SUSD4: variants seen among roughly 807,000 people sequenced by gnomAD.
SUSD4 encodes the protein sushi domain-containing protein 4.
A neutral mutation model predicts 50.5 loss-of-function variants in SUSD4; 41 were observed. The ratio of observed to expected loss-of-function variants is 0.81; its 90% CI spans 0.63 to 1.05. SUSD4 has a LOEUF of 1.05. Ranked by LOEUF, SUSD4 falls within the 50% of genes least tolerant of loss-of-function variation. The pLI is 0.00. For synonymous variants in SUSD4, 257 were observed against 257.3 expected (o/e 1.00, Z 0.01); for missense variants, 580 against 634.7 (o/e 0.91, Z 0.93).
chr1:223,357,143 G>T (rs1668712318), intron 2 of SUSD4, among the ~76,000 whole-genome samples: 1 of 152,164 alleles, frequency 6.6e-6, no homozygotes, highest in Non-Finnish European at 1.5e-5. Context: ...AGGCACAAAA[G>T]GACTGGCACA....
intron 5 of SUSD4, among the ~76,000 whole-genome samples, chr1:223,249,318 A>G (rs1325827209): frequency 6.6e-6 from 1 of 152,192 alleles, no homozygotes; most frequent in Non-Finnish European, 1.5e-5. Flanking sequence ...AGAGTGGATC[A>G]TTTCTGACCC....
intron 4 of SUSD4, among the ~76,000 whole-genome samples, chr1:223,267,359 C>A (rs1662563740): frequency 6.6e-6 from 1 of 152,062 alleles, no homozygotes; most frequent in Non-Finnish European, 1.5e-5. Context: ...GGCTGCAGTC[C>A]GGGGTTGTTT....
At chr1:223,234,401 G>C (rs1660080302) in intron 5 of SUSD4, among the ~76,000 whole-genome samples, 1 of 152,116 alleles carries the variant, frequency 6.6e-6, no homozygotes, top group Non-Finnish European at 1.5e-5. Flanking sequence ...TGGAGTTCCT[G>C]GGCACTTTGT....
At chr1:223,263,521 T>A (rs992336344) in intron 5 of SUSD4, 95 of 982,128 alleles carry the variant, frequency 9.7e-5, no homozygotes, top group Non-Finnish European at 1.1e-4. Flanking sequence ...GGATTTGCGA[T>A]GGGTGGGAAG....
chr1:223,347,240 A>G (rs1668083613), intron 2 of SUSD4, among the ~76,000 whole-genome samples: 1 of 152,192 alleles, frequency 6.6e-6, no homozygotes, highest in Non-Finnish European at 1.5e-5. Context: ...TGAAATACAC[A>G]ATTAAATTAC....
At chr1:223,252,235 A>AT (rs1337036182) in intron 5 of SUSD4, among the ~76,000 whole-genome samples, 2,354 of 57,922 alleles carry the variant, frequency 0.041, 33 homozygotes, top group Admixed American at 0.1. Context: ...AAAAAAAAAA[A>AT]AATATATATA....
intron 2 of SUSD4, among the ~76,000 whole-genome samples, chr1:223,336,465 G>A (rs966302736): frequency 2.0e-5 from 3 of 152,228 alleles, no homozygotes; most frequent in Admixed American, 2.0e-4. Context: ...CCAGTCAGAA[G>A]TATTGGAAGT....
chr1:223,352,657 C>A (rs1180426182), intron 2 of SUSD4, among the ~76,000 whole-genome samples: 1 of 152,122 alleles, frequency 6.6e-6, no homozygotes, highest in Non-Finnish European at 1.5e-5. Context: ...CCCAAGATCT[C>A]CAGCCCACAG....
Position 223,329,460 on chromosome 1 carries a change from C to G in SUSD4, c.148+33818G>C, listed in dbSNP as rs79831983. 2.1e-3 allele frequency among the ~76,000 whole-genome samples: 315 copies of G among 152,342 alleles called. 2 individuals carry two copies. The highest frequency in any genetic ancestry group is 7.3e-3 in the African/African-American group (305 of 41,574). On this transcript the variant is annotated intron_variant, in intron 2 of 8. Transcript: ENST00000366878. The stretch of plus-strand genomic sequence containing the variant: ...AATGTCCCTTTTCCCAAAGTTCTAA[C>G]TTTCCCTCCTCTAGCTTTTCCCAGC...
At chr1:223,348,652 T>TC (rs1272162349) in intron 2 of SUSD4, among the ~76,000 whole-genome samples, 1 of 152,152 alleles carries the variant, frequency 6.6e-6, no homozygotes, top group Non-Finnish European at 1.5e-5. Flanking sequence ...GCCCACTTTT[T>TC]CTCTTTAGGC....
intron 2 of SUSD4, among the ~76,000 whole-genome samples, chr1:223,356,308 G>GT (rs1169017114): frequency 6.6e-6 from 1 of 151,950 alleles, no homozygotes; most frequent in Non-Finnish European, 1.5e-5. Context: ...GGCTTTCTGA[G>GT]TAAGTGACTC....
At chr1:223,361,656 T>G (rs1572145231) in intron 2 of SUSD4, among the ~76,000 whole-genome samples, 1 of 152,284 alleles carries the variant, frequency 6.6e-6, no homozygotes, top group Middle Eastern at 3.4e-3. Flanking sequence ...TGCTCAGACC[T>G]CACCCATCCA....
At chr1:223,329,603 A>G (rs1667064060) in intron 2 of SUSD4, among the ~76,000 whole-genome samples, 1 of 152,150 alleles carries the variant, frequency 6.6e-6, no homozygotes, top group Non-Finnish European at 1.5e-5. Flanking sequence ...TGCATCCCTA[A>G]AGTTCTTACT....
intron 2 of SUSD4, among the ~76,000 whole-genome samples, chr1:223,333,850 T>G (rs1033793917): frequency 1.3e-5 from 2 of 152,252 alleles, no homozygotes; most frequent in Admixed American, 1.3e-4. Flanking sequence ...AGAGGACAGG[T>G]TCACTCTGTG....
intron 2 of SUSD4, among the ~76,000 whole-genome samples, chr1:223,317,834 CTTTTTTTTTTTTTTTTCT>C (rs1310709920): frequency 2.1e-4 from 17 of 80,176 alleles, no homozygotes; most frequent in African/African-American, 6.7e-4. Context: ...GCTTGCCCTT[CTTTTTTTTTTTTTTTTCT>C]TTTTTTTTTT....
intron 5 of SUSD4, among the ~76,000 whole-genome samples, chr1:223,248,222 C>T (rs148314400): frequency 1.1e-3 from 163 of 152,244 alleles, no homozygotes; most frequent in African/African-American, 3.7e-3. Context: ...CCTTGAGGAG[C>T]GTGGAGAAGT....
At chr1:223,331,769 A>G (rs1829308) in intron 2 of SUSD4, among the ~76,000 whole-genome samples, 80,656 of 152,006 alleles carry the variant, frequency 0.53, 21,420 homozygotes, top group African/African-American at 0.55. Flanking sequence ...CCCCAAAGCA[A>G]GGCTCAAGGC....
intron 3 of SUSD4, among the ~76,000 whole-genome samples, chr1:223,279,165 C>T (rs968066676): frequency 2.6e-5 from 4 of 152,266 alleles, no homozygotes; most frequent in African/African-American, 9.6e-5. Context: ...ATCAGAGCAC[C>T]TCTCCCCCTC....
At chr1:223,357,407 G>C (rs144699997) in intron 2 of SUSD4, among the ~76,000 whole-genome samples, 1 of 152,278 alleles carries the variant, frequency 6.6e-6, no homozygotes, top group East Asian at 1.9e-4. Flanking sequence ...TAGGGATTGG[G>C]ATTTCCAAGT....
Sources: gnomAD v4.1 joint callset for allele counts (sites outside exome capture counted in the v4.1 genomes callset) on GRCh38, gnomAD v4.1.1 for gene constraint, MANE v1.5 for transcripts, NCBI Gene and HGNC (gene_info 2026-07-23, HGNC 2026-07-21) for gene names.